The following ST3GAL3 variants were observed in gnomAD, a reference collection of about 807,000 sequenced individuals.
ST3GAL3 encodes ST3 beta-galactoside alpha-2,3-sialyltransferase 3, also known as CMP-N-acetylneuraminate-beta-1,4-galactoside alpha-2,3-sialyltransferase.
A neutral mutation model predicts 50.1 loss-of-function variants in ST3GAL3; 21 were observed. The ratio of observed to expected loss-of-function variants is 0.42; its 90% CI spans 0.30 to 0.60. ST3GAL3 has a LOEUF of 0.60. Among genes scored for constraint, ST3GAL3 ranks in the 20% least tolerant of loss-of-function variants. The pLI, the probability that ST3GAL3 is intolerant of heterozygous loss-of-function variation, is 0.19. For missense variants in ST3GAL3, 353 were observed against 489.4 expected, an observed-to-expected ratio of 0.72 and a Z score of 2.63; for synonymous variants, 183 against 190.0, an observed-to-expected ratio of 0.96 and a Z score of 0.30.
At chr1:43,729,293 TG>T (rs1674553238) in intron 1 of ST3GAL3, among the ~76,000 whole-genome samples, 2 of 152,088 alleles carry the variant, frequency 1.3e-5, no homozygotes, top group African/African-American at 4.8e-5. Flanking sequence ...TTGCCCAGGC[TG>T]GTCTCAAACT....
intron 3 of ST3GAL3, among the ~76,000 whole-genome samples, chr1:43,794,285 A>G (rs2058439249): frequency 2.0e-5 from 3 of 152,264 alleles, no homozygotes; most frequent in African/African-American, 7.2e-5. Context: ...GAGAAAGTCC[A>G]AATGGCCAAT....
chr1:43,742,632 G>T (rs890299374), intron 2 of ST3GAL3, among the ~76,000 whole-genome samples: 1 of 152,166 alleles, frequency 6.6e-6, no homozygotes, highest in African/African-American at 2.4e-5. Flanking sequence ...GGATAAGATG[G>T]CCTCAGTGTT....
intron 2 of ST3GAL3, among the ~76,000 whole-genome samples, chr1:43,763,933 A>AT (rs1558193170): frequency 6.6e-6 from 1 of 152,232 alleles, no homozygotes; most frequent in African/African-American, 2.4e-5. Context: ...ATAGTGGAAC[A>AT]TAAGAGTTGA....
At chr1:43,742,409 A>G (rs1681346179) in intron 2 of ST3GAL3, among the ~76,000 whole-genome samples, 1 of 152,250 alleles carries the variant, frequency 6.6e-6, no homozygotes, top group Non-Finnish European at 1.5e-5. Context: ...CCTCAGATCC[A>G]CACTCATGAT....
intron 2 of ST3GAL3, among the ~76,000 whole-genome samples, chr1:43,791,075 T>A (rs1055536396): frequency 6.6e-6 from 1 of 152,210 alleles, no homozygotes; most frequent in Non-Finnish European, 1.5e-5. Context: ...GCCTTCCCTC[T>A]GCTTTGAATG....
intron 6 of ST3GAL3, among the ~76,000 whole-genome samples, chr1:43,894,863 G>A (rs1570866747): frequency 6.6e-6 from 1 of 152,064 alleles, no homozygotes; most frequent in East Asian, 1.9e-4. Flanking sequence ...TCAAACTCCT[G>A]GACTCAAGTG....
At chr1:43,746,771 T>G (rs1304208852) in intron 2 of ST3GAL3, among the ~76,000 whole-genome samples, 5 of 115,168 alleles carry the variant, frequency 4.3e-5, no homozygotes, top group Admixed American at 2.7e-4. Flanking sequence ...CTAGTTTTTG[T>G]TTTTTTTTTT....
intron 9 of ST3GAL3, among the ~76,000 whole-genome samples, chr1:43,904,578 C>T (rs1163351546): frequency 2.0e-5 from 3 of 151,966 alleles, no homozygotes; most frequent in Admixed American, 6.5e-5. Flanking sequence ...GATAAAAATG[C>T]TCAAGAATGG....
chr1:43,929,444 A>G (rs1183226036), intron 11 of ST3GAL3, among the ~76,000 whole-genome samples: 3 of 151,902 alleles, frequency 2.0e-5, no homozygotes, highest in Non-Finnish European at 2.9e-5. Context: ...AGCTGGGATT[A>G]TAGGCGCTAC....
intron 2 of ST3GAL3, among the ~76,000 whole-genome samples, chr1:43,753,901 G>T (rs900695524): frequency 2.0e-5 from 3 of 152,098 alleles, no homozygotes; most frequent in Admixed American, 6.5e-5. Flanking sequence ...ACTCCCTCCC[G>T]CCCAGATCCT....
At chr1:43,900,527 C>A (rs1164818103) in intron 9 of ST3GAL3, among the ~76,000 whole-genome samples, 1 of 151,520 alleles carries the variant, frequency 6.6e-6, no homozygotes, top group South Asian at 2.1e-4. Flanking sequence ...CCCACTCCCC[C>A]ACAACCAGCT....
chr1:43,743,388 T>C, intron 2 of ST3GAL3: 1 of 269,458 alleles, frequency 3.7e-6, no homozygotes, highest in South Asian at 4.1e-5. Flanking sequence ...GTGGACATGG[T>C]GCCTCTTTAG....
intron 2 of ST3GAL3, among the ~76,000 whole-genome samples, chr1:43,771,652 C>A (rs1291444572): frequency 6.6e-6 from 1 of 151,862 alleles, no homozygotes; most frequent in African/African-American, 2.4e-5. Flanking sequence ...CCACCGCGCC[C>A]GGCTGGGTGA....
chr1:43,854,124 G>A (rs1239032143), intron 5 of ST3GAL3, among the ~76,000 whole-genome samples: 1 of 152,184 alleles, frequency 6.6e-6, no homozygotes, highest in Non-Finnish European at 1.5e-5. Flanking sequence ...GAGAAGAATG[G>A]AATACCATCT....
At chr1:43,851,636 A>C (rs2067323656) in intron 5 of ST3GAL3, 1 of 1,257,990 alleles carries the variant, frequency 7.9e-7, no homozygotes, top group Non-Finnish European at 1.2e-6. Context: ...GATGTTGTAA[A>C]CCTCAACATC....
intron 11 of ST3GAL3, among the ~76,000 whole-genome samples, chr1:43,922,804 G>GAAAAAAAAAAAAAA: frequency 8.9e-6 from 1 of 111,956 alleles, no homozygotes; most frequent in African/African-American, 3.8e-5. Flanking sequence ...TCTCAAAAAA[G>GAAAAAAAAAAAAAA]AAAAAAAAAA....
At chr1:43,870,703 T>G (rs577966538) in intron 5 of ST3GAL3, among the ~76,000 whole-genome samples, 34 of 152,228 alleles carry the variant, frequency 2.2e-4, no homozygotes, top group African/African-American at 7.9e-4. Context: ...GGTTTGTGCA[T>G]GTGAACTGTT....
intron 3 of ST3GAL3, among the ~76,000 whole-genome samples, chr1:43,799,067 C>G (rs766398982): frequency 2.0e-5 from 3 of 152,300 alleles, no homozygotes; most frequent in Non-Finnish European, 2.9e-5. Flanking sequence ...AAACAAACAG[C>G]ATGCATATTA....
intron 3 of ST3GAL3, among the ~76,000 whole-genome samples, chr1:43,807,629 A>T (rs1313155439): frequency 6.6e-6 from 1 of 152,170 alleles, no homozygotes; most frequent in Admixed American, 6.5e-5. Flanking sequence ...AGACAGGGGC[A>T]GGGAGACCTG....
Sources: allele counts gnomAD v4.1 joint callset (sites outside exome capture counted in the v4.1 genomes callset), GRCh38; gene constraint gnomAD v4.1.1; transcripts MANE v1.5; gene names NCBI Gene and HGNC (gene_info 2026-07-23, HGNC 2026-07-21).